NOP53: variants seen among roughly 807,000 people sequenced by gnomAD.
NOP53 encodes the protein ribosome biogenesis protein NOP53.
Under a neutral mutation model 61.0 loss-of-function variants are expected in NOP53, and 40 were observed. The observed-to-expected ratio is 0.66, with a 90% CI of 0.51 to 0.85. NOP53 has a LOEUF of 0.85. Among genes scored for constraint, NOP53 ranks in the 40% least tolerant of loss-of-function variants. The pLI, the probability that NOP53 is intolerant of heterozygous loss-of-function variation, is 0.00. For missense variants in NOP53, 689 were observed against 652.9 expected (o/e 1.06, Z -0.60); for synonymous variants, 308 against 289.5 (o/e 1.06, Z -0.65).
intron 2 of NOP53, among the ~76,000 whole-genome samples, chr19:47,748,501 G>T (rs1186637942): frequency 1.3e-5 from 2 of 152,090 alleles, no homozygotes; most frequent in Non-Finnish European, 2.9e-5. Flanking sequence ...TCAGTCAAAG[G>T]GTATGTTTTA....
In NOP53 at chr19:47,751,595, G is replaced by C. The variant is rs1967125821; in HGVS notation, c.669+5G>C. 2.5e-6 allele frequency: 4 copies of C among 1,612,662 alleles called. No individual in the cohort carries two copies. Among genetic ancestry groups the C allele is most frequent in the Non-Finnish European group, 3.4e-6 (4 of 1,178,780 alleles). On this transcript the variant is annotated splice_donor_5th_base_variant and intron_variant, in intron 5 of 12. Transcript: ENST00000246802. ...ACCAAGAAGAAAGGAGTGAAGGTGAGATGTGTGGGAAGGGCATCCTGGGTG... is the reference window on the plus strand; with the variant it reads ...ACCAAGAAGAAAGGAGTGAAGGTGACATGTGTGGGAAGGGCATCCTGGGTG...
At chr19:47,747,602 G>A (rs1400695241) in intron 2 of NOP53, among the ~76,000 whole-genome samples, 2 of 150,686 alleles carry the variant, frequency 1.3e-5, no homozygotes, top group African/African-American at 4.9e-5. Context: ...AGATCGCGCC[G>A]CTGAACTCCA....
chr19:47,752,798 C>T, intron 6 of NOP53, 191 bp downstream of exon 6: 1 of 537,198 alleles, frequency 1.9e-6, no homozygotes, highest in Non-Finnish European at 3.3e-6. Flanking sequence ...GGCTGGGAGC[C>T]CAGACGGGGC....
chr19:47,750,140 G>A lies in NOP53; in HGVS notation c.290-38G>A, dbSNP rs761856307. 10 of 1,339,574 alleles carry A rather than the reference G, an allele frequency of 7.5e-6. No homozygotes were observed. The South Asian group carries it at 1.2e-4, about 16-fold the overall frequency. The allele number at this position is 1,339,574 out of a possible 1,614,324, so 83.0% of individuals were successfully genotyped here. On this transcript the variant is annotated intron_variant, in intron 2 of 12. Coordinates refer to ENST00000246802, the MANE Select transcript of NOP53 (RefSeq NM_015710.5). The stretch of plus-strand genomic sequence containing the variant: ...GGTGGGTGGTCTTTGGCAGTGGGTA[G>A]GGCTGAGGCCTTGACTTGTTCTCTT...
Position 47,751,510 on chromosome 19 carries a change from G to A in NOP53, c.599-10G>A, listed in dbSNP as rs1379294909. 3 of 1,612,480 alleles carry A rather than the reference G, an allele frequency of 1.9e-6. No individual in the cohort carries two copies. The Middle Eastern group carries it at 5.0e-4, about 266-fold the overall frequency. ...GACTGTCCCAGCAGCTCCCCTCGCTGTATCCACAGACCCCCTGGACAGGCC... is the reference window on the plus strand; with the variant it reads ...GACTGTCCCAGCAGCTCCCCTCGCTATATCCACAGACCCCCTGGACAGGCC... On this transcript the variant is annotated splice_polypyrimidine_tract_variant and intron_variant, in intron 4 of 12. Coordinates refer to ENST00000246802, the MANE Select transcript of NOP53 (RefSeq NM_015710.5).
At chr19:47,751,744 G>A (rs1399350550) in intron 5 of NOP53, among the ~76,000 whole-genome samples, 154 bp downstream of exon 5, 1 of 152,150 alleles carries the variant, frequency 6.6e-6, no homozygotes, top group South Asian at 2.1e-4. Context: ...TCCTGTCCCA[G>A]CTCCAGTGCT....
At chr19:47,751,192 T>C in intron 4 of NOP53, 85 bp downstream of exon 4, 1 of 1,275,180 alleles carries the variant, frequency 7.8e-7, no homozygotes, top group Admixed American at 2.2e-5. Flanking sequence ...GAGAGTACAG[T>C]GTGAAAGGGA....
chr19:47,756,948 G>A (rs1265214033), intron 12 of NOP53, 51 bp from the exon 13 acceptor site: 1 of 1,612,616 alleles, frequency 6.2e-7, no homozygotes, highest in Non-Finnish European at 8.5e-7. Context: ...GGTCGGCAGG[G>A]GGTATGGGGC....
At chr19:47,747,776 TCTC>T (rs1424212981) in intron 2 of NOP53, among the ~76,000 whole-genome samples, 5 of 119,058 alleles carry the variant, frequency 4.2e-5, no homozygotes, top group African/African-American at 1.4e-4. Flanking sequence ...CTTTTCTCTC[TCTC>T]TTTTTTTTTT....
intron 4 of NOP53, 199 bp from the exon 5 acceptor site, chr19:47,751,321 G>A (rs1404975478): frequency 6.2e-6 from 4 of 645,538 alleles, no homozygotes; most frequent in East Asian, 5.4e-5. Flanking sequence ...GAAGCCTTCA[G>A]CTTTGGTCTC....
chr19:47,750,576 AG>A (rs1437215172), intron 3 of NOP53, among the ~76,000 whole-genome samples: 1 of 151,792 alleles, frequency 6.6e-6, no homozygotes, highest in Admixed American at 6.6e-5. Flanking sequence ...AGCGGGTGAG[AG>A]GGTGGACAGC....
At chr19:47,747,160 A>G (rs535120260) in intron 2 of NOP53, 129 bp downstream of exon 2, 235 of 679,752 alleles carry the variant, frequency 3.5e-4, no homozygotes, top group Non-Finnish European at 5.3e-4. Flanking sequence ...CAACCTTAAT[A>G]TAAACAAGGG....
rs757929498 is a variant in NOP53, at chr19:47,754,513, C to T, written c.766-14C>T. ...GGAGGGGTTCAGGGACCCATCCTCACTCCCGCCCCTCAGACCCTGCTCTCA... is the reference window on the plus strand; with the variant it reads ...GGAGGGGTTCAGGGACCCATCCTCATTCCCGCCCCTCAGACCCTGCTCTCA... On this transcript the variant is annotated splice_polypyrimidine_tract_variant and intron_variant, in intron 6 of 12. Coordinates refer to ENST00000246802, the MANE Select transcript of NOP53 (RefSeq NM_015710.5). This position sits in a 1 kb window ranked among gnomAD's most constrained non-coding sequence, Gnocchi z 4.2. The T allele has an allele frequency of 7.1e-6, 11 of 1,539,338 alleles. No individual in the cohort carries two copies. In the South Asian group the frequency reaches 1.2e-4, roughly 17 times the overall value.
intron 4 of NOP53, 45 bp from the exon 5 acceptor site, chr19:47,751,475 T>C: frequency 6.7e-7 from 1 of 1,494,694 alleles, no homozygotes; most frequent in Non-Finnish European, 9.3e-7. Flanking sequence ...TGGTGCCTCT[T>C]CCATGCTGGG....
rs1457174338 is a variant in NOP53 at position 47,754,499 on chromosome 19, G to A, written c.766-28G>A. 85 of 1,491,330 alleles carry A rather than the reference G, an allele frequency of 5.7e-5. No individual in the cohort carries two copies. Among genetic ancestry groups the A allele is most frequent in the Non-Finnish European group, 7.7e-5 (84 of 1,095,042 alleles). 92.4% of individuals were successfully genotyped at this position (1,491,330 alleles called of 1,614,324 possible). A position where few individuals can be genotyped will look rare whatever the true frequency, so the allele number is the denominator to read the frequency against. ...GTCTCAGTGTCCCAGGAGGGGTTCA[G>A]GGACCCATCCTCACTCCCGCCCCTC... On this transcript the variant is annotated intron_variant, in intron 6 of 12. Transcript: ENST00000246802. The surrounding 1 kb of genome is among the most constrained non-coding windows in gnomAD (Gnocchi z 4.2).
chr19:47,749,460 G>A (rs1599914675), intron 2 of NOP53, among the ~76,000 whole-genome samples: 1 of 152,258 alleles, frequency 6.6e-6, no homozygotes, highest in East Asian at 1.9e-4. Flanking sequence ...GGCCTAGTGA[G>A]GGAGGTATCC....
chr19:47,755,355 A>C lies in NOP53; in HGVS notation c.1061A>C (p.Gln354Pro). ...CCTCCCCCGTCTCCACAGCGGGTACAGCAGGCCGCGTTGCGGGCCGCCCGG... is the reference window on the plus strand; with the variant it reads ...CCTCCCCCGTCTCCACAGCGGGTACCGCAGGCCGCGTTGCGGGCCGCCCGG... ...REKAVHRLRV[Q>P]QAALRAARLR... The change falls in exon 9 of 13, where the codon CAG becomes CCG. Residue 354 changes from glutamine to proline, a missense_variant. Physicochemically the swap from Gln to Pro is moderately conservative, Grantham distance 76 (BLOSUM62 -1). Transcript: ENST00000246802. 6.6e-7 allele frequency: 1 copy of C among 1,512,512 alleles called. No individual in the cohort carries two copies. Among genetic ancestry groups the C allele is most frequent in the Non-Finnish European group, 8.8e-7 (1 of 1,137,510 alleles). 93.7% of individuals were successfully genotyped at this position (1,512,512 alleles called of 1,614,324 possible).
At chr19:47,756,223 G>T (rs1967196147) in intron 10 of NOP53, 3 of 533,636 alleles carry the variant, frequency 5.6e-6, no homozygotes, top group South Asian at 4.8e-5. Flanking sequence ...CCAGCCAGTT[G>T]TGCTCATGAG....
At chr19:47,752,259 C>T (rs566304350) in intron 5 of NOP53, among the ~76,000 whole-genome samples, 2 of 152,312 alleles carry the variant, frequency 1.3e-5, no homozygotes, top group East Asian at 1.9e-4. Flanking sequence ...CAGCCTCCTT[C>T]TTGAGCTGCT....
Sources: gnomAD v4.1 joint callset for allele counts (sites outside exome capture counted in the v4.1 genomes callset) on GRCh38, gnomAD v4.1.1 for gene constraint, Gnocchi (gnomAD v3.1) non-coding constraint, MANE v1.5 for transcripts, NCBI Gene and HGNC (gene_info 2026-07-23, HGNC 2026-07-21) for gene names.